Variants in ARHGEF28 observed in about 807,000 individuals in gnomAD.
ARHGEF28 encodes 190 kDa guanine nucleotide exchange factor.
ARHGEF28 carries 152 observed loss-of-function variants against 206.6 expected under a neutral mutation model. That is an observed-to-expected ratio of 0.74 (90% CI 0.64 to 0.84). ARHGEF28 has a LOEUF of 0.84. Among genes scored for constraint, ARHGEF28 ranks in the 40% least tolerant of loss-of-function variants. The pLI, the probability that ARHGEF28 is intolerant of heterozygous loss-of-function variation, is 0.00. For missense variants in ARHGEF28, 2,028 were observed against 2,073.2 expected, an observed-to-expected ratio of 0.98 and a Z score of 0.42; for synonymous variants, 763 against 776.4, an observed-to-expected ratio of 0.98 and a Z score of 0.29.
chr5:73,937,375 A>T (rs1442885402), intron 35 of ARHGEF28, among the ~76,000 whole-genome samples: 2 of 152,160 alleles, frequency 1.3e-5, no homozygotes, highest in East Asian at 3.9e-4. Flanking sequence ...CTCAATCAAG[A>T]TCCCACTTTT....
intron 2 of ARHGEF28, among the ~76,000 whole-genome samples, chr5:73,739,671 C>A (rs1176984626): frequency 1.3e-5 from 2 of 151,574 alleles, no homozygotes; most frequent in African/African-American, 4.8e-5. Flanking sequence ...ATTAGCTGGG[C>A]ATGGTGGTGT....
At chr5:73,644,429 C>G (rs1248487264) in intron 1 of ARHGEF28, among the ~76,000 whole-genome samples, 1 of 152,178 alleles carries the variant, frequency 6.6e-6, no homozygotes, top group Admixed American at 6.5e-5. Flanking sequence ...CACCTCTGCT[C>G]CCCCAGCACC....
intron 35 of ARHGEF28, among the ~76,000 whole-genome samples, chr5:73,912,733 G>A (rs1249528819): frequency 6.6e-6 from 1 of 152,146 alleles, no homozygotes; most frequent in Non-Finnish European, 1.5e-5. Flanking sequence ...AAAAGGTCAA[G>A]CCAAATTTTG....
At chr5:73,780,383 T>C (rs999223570) in intron 6 of ARHGEF28, 35 of 343,266 alleles carry the variant, frequency 1.0e-4, no homozygotes, top group African/African-American at 6.7e-4. Context: ...TTCGGTTCTC[T>C]TTCTGGTACA....
intron 1 of ARHGEF28, among the ~76,000 whole-genome samples, chr5:73,652,737 A>G (rs1490096563): frequency 1.3e-5 from 2 of 152,252 alleles, no homozygotes; most frequent in East Asian, 3.8e-4. Flanking sequence ...TAAAGCTTCC[A>G]CAGATCTCAC....
intron 1 of ARHGEF28, among the ~76,000 whole-genome samples, chr5:73,649,952 G>C (rs1181895503): frequency 6.6e-6 from 1 of 152,182 alleles, no homozygotes; most frequent in Non-Finnish European, 1.5e-5. Context: ...GGCAACCTGT[G>C]CCCAAGTCCT....
At chr5:73,725,470 A>G (rs1013991544) in intron 2 of ARHGEF28, among the ~76,000 whole-genome samples, 5 of 152,160 alleles carry the variant, frequency 3.3e-5, no homozygotes, top group African/African-American at 9.7e-5. Context: ...GATAAACTCA[A>G]TACCTCTTAA....
intron 2 of ARHGEF28, among the ~76,000 whole-genome samples, chr5:73,694,227 G>A (rs1466559117): frequency 6.6e-6 from 1 of 152,170 alleles, no homozygotes; most frequent in Non-Finnish European, 1.5e-5. Context: ...AGCTTCTGGG[G>A]AAAGGCCCAA....
intron 35 of ARHGEF28, among the ~76,000 whole-genome samples, chr5:73,936,748 T>C (rs1472851211): frequency 6.6e-6 from 1 of 152,208 alleles, no homozygotes; most frequent in Non-Finnish European, 1.5e-5. Context: ...TTTTATTTTT[T>C]GTAGAGACAG....
chr5:73,866,071 T>G (rs978472464), intron 18 of ARHGEF28, 58 bp downstream of exon 18: 2 of 1,318,906 alleles, frequency 1.5e-6, no homozygotes, highest in African/African-American at 3.0e-5. Context: ...CTATACATTT[T>G]TCCATTATAA....
At chr5:73,764,110 C>G (rs1202188457) in intron 4 of ARHGEF28, among the ~76,000 whole-genome samples, 1 of 152,160 alleles carries the variant, frequency 6.6e-6, no homozygotes, top group African/African-American at 2.4e-5. Flanking sequence ...CCTGGCAATC[C>G]CAGGTAGTAG....
At chr5:73,875,212 A>G (rs1405836288) in intron 22 of ARHGEF28, among the ~76,000 whole-genome samples, 7 of 151,756 alleles carry the variant, frequency 4.6e-5, no homozygotes, top group African/African-American at 9.7e-5. Context: ...CTGCATAAAT[A>G]TCTTCTTTTG....
intron 29 of ARHGEF28, among the ~76,000 whole-genome samples, chr5:73,896,643 C>A (rs924982410): frequency 1.3e-5 from 2 of 152,138 alleles, no homozygotes; most frequent in Non-Finnish European, 2.9e-5. Flanking sequence ...GAGGCCGAGG[C>A]AAGATATATT....
intron 2 of ARHGEF28, among the ~76,000 whole-genome samples, chr5:73,729,662 A>T (rs1418801313): frequency 6.6e-6 from 1 of 152,138 alleles, no homozygotes; most frequent in Non-Finnish European, 1.5e-5. Flanking sequence ...CACCGATCAC[A>T]TTTCAGGCGG....
intron 9 of ARHGEF28, among the ~76,000 whole-genome samples, chr5:73,829,316 C>G (rs910497871): frequency 3.3e-5 from 5 of 152,182 alleles, no homozygotes; most frequent in Non-Finnish European, 5.9e-5. Context: ...TCAGAATCTC[C>G]CTTTGCAACA....
intron 4 of ARHGEF28, among the ~76,000 whole-genome samples, chr5:73,771,341 A>G (rs1753208541): frequency 6.6e-6 from 1 of 152,168 alleles, no homozygotes; most frequent in South Asian, 2.1e-4. Context: ...TCAGGAGTTC[A>G]AGACCAGACT....
At chr5:73,863,880 G>A (rs766611256) in intron 16 of ARHGEF28, among the ~76,000 whole-genome samples, 3 of 152,050 alleles carry the variant, frequency 2.0e-5, no homozygotes, top group Non-Finnish European at 4.4e-5. Flanking sequence ...CCACTGGCGT[G>A]TTGACTGAAA....
chr5:73,666,809 A>G (rs1265060731), intron 1 of ARHGEF28, among the ~76,000 whole-genome samples: 3 of 152,228 alleles, frequency 2.0e-5, no homozygotes, highest in African/African-American at 4.8e-5. Context: ...GGCTGAATAT[A>G]TATATTCAAT....
At chr5:73,635,737 C>T (rs1269642928) in intron 1 of ARHGEF28, among the ~76,000 whole-genome samples, 2 of 152,198 alleles carry the variant, frequency 1.3e-5, no homozygotes, top group Non-Finnish European at 2.9e-5. Context: ...AACTTTGCAA[C>T]TTGTCAAAAA....
Sources: allele counts gnomAD v4.1 joint callset (sites outside exome capture counted in the v4.1 genomes callset), GRCh38; gene constraint gnomAD v4.1.1; transcripts MANE v1.5; gene names NCBI Gene and HGNC (gene_info 2026-07-23, HGNC 2026-07-21).